The following FLVCR2 variants were observed in gnomAD, a reference collection of about 807,000 sequenced individuals.
FLVCR2 encodes the protein choline/ethanolamine transporter FLVCR2.
In FLVCR2, 38 loss-of-function variants were observed where a neutral mutation model predicts 48.9. The observed-to-expected ratio is 0.78, with a 90% CI of 0.60 to 1.02. The LOEUF is 1.02. Ranked by LOEUF, FLVCR2 falls within the 50% of genes least tolerant of loss-of-function variation. FLVCR2 has a pLI of 0.00. For synonymous variants in FLVCR2, 255 were observed against 257.0 expected, an observed-to-expected ratio of 0.99 and a Z score of 0.07; for missense variants, 664 against 663.3, an observed-to-expected ratio of 1.00 and a Z score of -0.01.
At chr14:75,603,472 C>G (rs185982227) in intron 1 of FLVCR2, among the ~76,000 whole-genome samples, 1 of 152,344 alleles carries the variant, frequency 6.6e-6, no homozygotes, top group African/African-American at 2.4e-5. Flanking sequence ...TGCTTTCCAG[C>G]TCCCCTTCCC....
chr14:75,634,944 C>T lies in FLVCR2; in HGVS notation c.1055C>T (p.Thr352Met), dbSNP rs201009135. The T allele has an allele frequency of 4.7e-5, 76 of 1,613,930 alleles. No individual in the cohort carries two copies. The highest frequency in any genetic ancestry group is 1.9e-4 in the African/African-American group (14 of 75,036). The part of the protein sequence containing the change: ...EEVNAGRIGL[T>M]IVIAGMLGAV... ...GTGAATGCTGGAAGAATTGGCCTGA[C>T]GATCGTCATTGCAGGAATGCTTGGG... is the stretch of plus-strand genomic sequence containing the variant. Residue 352 changes from threonine (T) to methionine (M), a missense_variant, in exon 5 of 10, where the codon ACG (threonine) becomes ATG (methionine). Physicochemically the swap from Thr to Met is moderately conservative, Grantham distance 81. Transcript: ENST00000238667.
At chr14:75,603,539 G>A (rs975542666) in intron 1 of FLVCR2, among the ~76,000 whole-genome samples, 46 of 152,070 alleles carry the variant, frequency 3.0e-4, no homozygotes, top group Admixed American at 3.3e-4. Context: ...CTTTCAATTC[G>A]TTTGTGCTAT....
At chr14:75,623,030 G>C (rs1008343149) in intron 2 of FLVCR2, among the ~76,000 whole-genome samples, 2 of 152,028 alleles carry the variant, frequency 1.3e-5, no homozygotes, top group Non-Finnish European at 2.9e-5. Context: ...CACCCAGGCT[G>C]GAGTGCAGTG....
At chr14:75,597,720 C>T (rs1251437784) in intron 1 of FLVCR2, among the ~76,000 whole-genome samples, 2 of 152,126 alleles carry the variant, frequency 1.3e-5, no homozygotes, top group African/African-American at 4.8e-5. Context: ...CAGGTGCCCG[C>T]CACCACGTCT....
At chr14:75,593,188 C>A (rs61249120) in intron 1 of FLVCR2, among the ~76,000 whole-genome samples, 5 of 152,024 alleles carry the variant, frequency 3.3e-5, no homozygotes, top group African/African-American at 1.2e-4. Context: ...AACTTCTGCC[C>A]GTTACCCAGT....
intron 1 of FLVCR2, among the ~76,000 whole-genome samples, chr14:75,586,777 A>C (rs887688335): frequency 6.6e-6 from 1 of 151,986 alleles, no homozygotes; most frequent in Non-Finnish European, 1.5e-5. Context: ...GCTTGCATTA[A>C]AATCCAACAT....
At chr14:75,624,843 C>T in intron 3 of FLVCR2, 91 bp downstream of exon 3, 1 of 1,490,676 alleles carries the variant, frequency 6.7e-7, no homozygotes, top group Non-Finnish European at 9.3e-7. Context: ...TTTCTAAATC[C>T]CAAATGTGCA....
At chr14:75,590,345 A>G (rs1207302923) in intron 1 of FLVCR2, among the ~76,000 whole-genome samples, 1 of 152,198 alleles carries the variant, frequency 6.6e-6, no homozygotes, top group East Asian at 1.9e-4. Flanking sequence ...TGAGAATCCA[A>G]TTTCAACATG....
intron 1 of FLVCR2, among the ~76,000 whole-genome samples, chr14:75,588,125 T>A (rs565235996): frequency 6.6e-6 from 1 of 152,362 alleles, no homozygotes; most frequent in South Asian, 2.1e-4. Context: ...GAAATTATTT[T>A]AGTAAATGCC....
At chr14:75,630,625 G>A (rs1360615432) in intron 3 of FLVCR2, among the ~76,000 whole-genome samples, 3 of 152,178 alleles carry the variant, frequency 2.0e-5, no homozygotes, top group Non-Finnish European at 4.4e-5. Context: ...GGTGGCCAAA[G>A]TGGGAGGATC....
At chr14:75,632,589 G>A in intron 3 of FLVCR2, 1 of 702,018 alleles carries the variant, frequency 1.4e-6, no homozygotes, top group Non-Finnish European at 2.6e-6. Context: ...CTTCCGGAAG[G>A]CTATATGAAC....
chr14:75,583,493 G>C (rs1238820763), intron 1 of FLVCR2, among the ~76,000 whole-genome samples: 2 of 152,132 alleles, frequency 1.3e-5, no homozygotes, highest in Non-Finnish European at 2.9e-5. Context: ...TTGCCAGGGA[G>C]AAAGTAGAGG....
At chr14:75,598,707 C>T (rs1348905258) in intron 1 of FLVCR2, among the ~76,000 whole-genome samples, 2 of 152,206 alleles carry the variant, frequency 1.3e-5, no homozygotes, top group African/African-American at 4.8e-5. Flanking sequence ...AACTCCTGGC[C>T]TCAAGCGATC....
chr14:75,621,487 G>A lies in FLVCR2; in HGVS notation c.670-592G>A, dbSNP rs117882318. Among the ~76,000 whole-genome samples, 1,107 of 151,590 alleles carry A rather than the reference G, an allele frequency of 7.3e-3. 10 individuals are homozygous for A. Among genetic ancestry groups the A allele is most frequent in the Non-Finnish European group, 9.2e-3 (622 of 67,954 alleles). On this transcript the variant is annotated intron_variant, in intron 1 of 9. Transcript: ENST00000238667. ...GTGTGTGTTTATAGCCATTTTTTACGTGCCTATCTCCTATGTGTATAAATT... is the reference window on the plus strand; with the variant it reads ...GTGTGTGTTTATAGCCATTTTTTACATGCCTATCTCCTATGTGTATAAATT...
chr14:75,605,678 G>A lies in FLVCR2; in HGVS notation c.670-16401G>A, dbSNP rs562010416. 6.6e-5 allele frequency: 98 copies of A among 1,485,624 alleles called. 1 individual carries two copies. The East Asian group carries it at 2.0e-3, about 30-fold the overall frequency. The allele number at this position is 1,485,624 out of a possible 1,614,324, so 92.0% of individuals were successfully genotyped here. On this transcript the variant is annotated intron_variant, in intron 1 of 9. Transcript: ENST00000238667. ...CTTCTTTGGGTTCAGCCGTGTGTCC[G>A]GAGCCTTAGGAGGGAGGAGTGTTTG...
intron 3 of FLVCR2, among the ~76,000 whole-genome samples, chr14:75,628,921 T>G (rs1889970883): frequency 6.6e-6 from 1 of 152,252 alleles, no homozygotes; most frequent in Non-Finnish European, 1.5e-5. Flanking sequence ...ACTGCAATGC[T>G]ATTGCATTGG....
intron 3 of FLVCR2, among the ~76,000 whole-genome samples, chr14:75,631,389 G>C (rs1456743751): frequency 6.6e-6 from 1 of 152,180 alleles, no homozygotes; most frequent in African/African-American, 2.4e-5. Context: ...GTGGAACAGA[G>C]ACCACACTTT....
At chr14:75,609,773 A>G (rs1227552504) in intron 1 of FLVCR2, among the ~76,000 whole-genome samples, 1 of 152,148 alleles carries the variant, frequency 6.6e-6, no homozygotes, top group East Asian at 1.9e-4. Context: ...GATTAGAAAC[A>G]TTGGTCGTCA....
intron 1 of FLVCR2, among the ~76,000 whole-genome samples, chr14:75,593,072 C>G (rs535766863): frequency 6.6e-6 from 1 of 152,086 alleles, no homozygotes; most frequent in Non-Finnish European, 1.5e-5. Context: ...AAGTTCCAAA[C>G]GTTCCCTCAT....
Sources: allele counts gnomAD v4.1 joint callset (sites outside exome capture counted in the v4.1 genomes callset), GRCh38; gene constraint gnomAD v4.1.1; transcripts MANE v1.5; gene names NCBI Gene and HGNC (gene_info 2026-07-23, HGNC 2026-07-21).